The following SIM1 variants were observed in gnomAD, a reference collection of about 807,000 sequenced individuals.
The protein encoded by SIM1 is SIM bHLH transcription factor 1, also known as single-minded homolog 1.
SIM1 carries 18 observed loss-of-function variants against 78.2 expected under a neutral mutation model. The ratio of observed to expected loss-of-function variants is 0.23; its 90% confidence interval spans 0.16 to 0.34. SIM1 has a LOEUF of 0.34. SIM1 is among the 10% of genes least tolerant of loss of function. The pLI is 1.00. For synonymous variants in SIM1, 417 were observed against 385.2 expected (o/e 1.08, Z -0.97); for missense variants, 939 against 975.1 (o/e 0.96, Z 0.49).
chr6:100,399,014 T>G (rs1770841765), intron 10 of SIM1, among the ~76,000 whole-genome samples: 1 of 151,932 alleles, frequency 6.6e-6, no homozygotes, highest in Non-Finnish European at 1.5e-5. Context: ...GGTGTCTCAT[T>G]GCAGTTTTGA....
At chr6:100,431,218 T>C (rs989533750) in intron 9 of SIM1, among the ~76,000 whole-genome samples, 5 of 152,232 alleles carry the variant, frequency 3.3e-5, no homozygotes, top group Non-Finnish European at 7.3e-5. Flanking sequence ...TTAAAATATG[T>C]CCTATAACAT....
intron 9 of SIM1, among the ~76,000 whole-genome samples, chr6:100,446,057 T>G (rs1772344777): frequency 6.6e-6 from 1 of 152,230 alleles, no homozygotes; most frequent in African/African-American, 2.4e-5. Flanking sequence ...AATTAAAAGA[T>G]TATTCCTAAT....
intron 10 of SIM1, among the ~76,000 whole-genome samples, chr6:100,402,494 T>A (rs972743694): frequency 2.0e-5 from 3 of 151,616 alleles, no homozygotes; most frequent in Non-Finnish European, 2.9e-5. Context: ...TCATGGTCAA[T>A]TAGGTTTCAG....
chr6:100,429,693 AT>A (rs906353134), intron 9 of SIM1, among the ~76,000 whole-genome samples: 2 of 152,048 alleles, frequency 1.3e-5, no homozygotes, highest in African/African-American at 4.8e-5. Context: ...CATTACCTTA[AT>A]TTTTTCTCTA....
At chr6:100,405,072 A>C (rs1771021037) in intron 10 of SIM1, among the ~76,000 whole-genome samples, 1 of 152,092 alleles carries the variant, frequency 6.6e-6, no homozygotes, top group Non-Finnish European at 1.5e-5. Context: ...ATTAATAAAC[A>C]GCAAAAATAA....
rs763116551 is a variant in SIM1, at chr6:100,391,014, G to A, written c.1648C>T (p.Arg550Cys). ...GGGCTACTTTGATACTGCTCAGTAC[G>A]ATATCGGTCACCTGATTCACTGGCC... ...GSASESGDRYRTEQYQSSPHE... is the reference protein window; with the variant it reads ...GSASESGDRYCTEQYQSSPHE... The change falls in exon 12 of 12, where the codon CGT (arginine) becomes TGT (cysteine). Residue 550 changes from arginine (R) to cysteine (C), a missense_variant. Arg to Cys is a radical substitution (Grantham distance 180, BLOSUM62 -3). Coordinates refer to ENST00000369208, the MANE Select transcript of SIM1 (RefSeq NM_005068.3). 1.5e-5 allele frequency: 25 copies of A among 1,614,058 alleles called. No homozygotes were observed. Among genetic ancestry groups the A allele is most frequent in the African/African-American group, 2.7e-5 (2 of 74,998 alleles).
At position 100,389,915 on chromosome 6, in the gene SIM1, T is replaced by C. The variant is rs1189609370; in HGVS notation, c.*446A>G. 7.6e-6 allele frequency: 3 copies of C among 395,770 alleles called. No individual in the cohort carries two copies. Among genetic ancestry groups the C allele is most frequent in the Non-Finnish European group, 1.3e-5 (3 of 224,766 alleles). The allele number at this position is 395,770 out of a possible 1,614,324, so 24.5% of individuals were successfully genotyped here. A position where few individuals can be genotyped will look rare whatever the true frequency, so the allele number is the denominator to read the frequency against. ...CGTTAAGAAGTTTAGTGTGACAGAG[T>C]CAAAGAAAATTACCCATTTTTGATG... On this transcript the variant is annotated 3_prime_UTR_variant, in exon 12 of 12. Transcript: ENST00000369208.
intron 10 of SIM1, among the ~76,000 whole-genome samples, chr6:100,416,548 A>T (rs1771406650): frequency 6.6e-6 from 1 of 152,192 alleles, no homozygotes; most frequent in Non-Finnish European, 1.5e-5. Context: ...CATGCCAAAA[A>T]TATGTAAATA....
chr6:100,396,281 CT>C (rs1770764594), intron 10 of SIM1, among the ~76,000 whole-genome samples: 1 of 151,976 alleles, frequency 6.6e-6, no homozygotes, highest in African/African-American at 2.4e-5. Flanking sequence ...TGCCCAGATT[CT>C]GCTTGTTTTT....
intron 2 of SIM1, among the ~76,000 whole-genome samples, chr6:100,460,868 T>C (rs1772821593): frequency 6.6e-6 from 1 of 152,186 alleles, no homozygotes; most frequent in Admixed American, 6.5e-5. Context: ...TTTTGAAGCT[T>C]GTCCACCGTC....
rs1360335069 is a variant in SIM1, at chr6:100,412,596, AAAG to A, written c.1167+8191_1167+8193del. 3.1e-4 allele frequency among the ~76,000 whole-genome samples: 36 copies of A among 114,376 alleles called. 1 individual carries two copies. Among genetic ancestry groups the A allele is most frequent in the African/African-American group, 1.1e-3 (34 of 31,676 alleles). 75.0% of individuals were successfully genotyped at this position (114,376 alleles called of 152,430 possible). A position where few individuals can be genotyped will look rare whatever the true frequency, so the allele number is the denominator to read the frequency against. ...GAAAGAAAGAAAGAAAGAAAGAAAG[AAAG>A]AAAGAAAGAAAGGAAAGAAAGAAGG... On this transcript the variant is annotated intron_variant, in intron 10 of 11. Coordinates refer to ENST00000369208, the MANE Select transcript of SIM1 (RefSeq NM_005068.3).
chr6:100,412,735 GAA>G (rs768082208), intron 10 of SIM1, among the ~76,000 whole-genome samples: 9 of 140,754 alleles, frequency 6.4e-5, no homozygotes, highest in African/African-American at 2.6e-5. Context: ...AAGAAAGAAA[GAA>G]AGAAAGAAAG....
In SIM1 at chr6:100,420,265, G is replaced by A. The variant is rs545905081; in HGVS notation, c.1167+525C>T. 1.3e-5 allele frequency among the ~76,000 whole-genome samples: 2 copies of A among 152,258 alleles called. 1 individual carries two copies. Among genetic ancestry groups the A allele is most frequent in the South Asian group, 4.1e-4 (2 of 4,820 alleles). Reference sequence around the variant, plus strand: ...TCTTCTCTCTACCTTGCAAAGATGAGCAGAATTTGCTTTTCCTACCATTCC... The same window carrying A: ...TCTTCTCTCTACCTTGCAAAGATGAACAGAATTTGCTTTTCCTACCATTCC... On this transcript the variant is annotated intron_variant, in intron 10 of 11. Coordinates refer to ENST00000369208, the MANE Select transcript of SIM1 (RefSeq NM_005068.3).
At chr6:100,393,956 AC>A (rs1015971943) in intron 10 of SIM1, 67 bp from the exon 11 acceptor site, 2 of 1,465,612 alleles carry the variant, frequency 1.4e-6, no homozygotes, top group Admixed American at 4.7e-5. Flanking sequence ...AAACAAACAA[AC>A]AAAAAACAGC....
chr6:100,419,009 A>G lies in SIM1; in HGVS notation c.1167+1781T>C, dbSNP rs7749843. ...TGGTGAAACCCCATCTCTACTAAAAATACAAAAATTAGACGGGCGTGGTGG... is the reference window on the plus strand; with the variant it reads ...TGGTGAAACCCCATCTCTACTAAAAGTACAAAAATTAGACGGGCGTGGTGG... On this transcript the variant is annotated intron_variant, in intron 10 of 11. Coordinates refer to ENST00000369208, the MANE Select transcript of SIM1 (RefSeq NM_005068.3). Among the ~76,000 whole-genome samples, 1,218 of 152,174 alleles carry G rather than the reference A, an allele frequency of 8.0e-3. 18 individuals are homozygous for G. The highest frequency in any genetic ancestry group is 0.026 in the African/African-American group (1,077 of 41,520).
chr6:100,441,832 T>C (rs1772225558), intron 9 of SIM1, among the ~76,000 whole-genome samples: 1 of 152,182 alleles, frequency 6.6e-6, no homozygotes, highest in African/African-American at 2.4e-5. Context: ...TTCTTAATCT[T>C]CCATCATTAA....
rs114328214 is a variant in SIM1, at chr6:100,396,950, T to C, written c.1168-3061A>G. Reference sequence around the variant, plus strand: ...CTTTATCTAACTTGTCTTTCAGCTCTAATACTCTGTATAATATAATAACTA... The same window carrying C: ...CTTTATCTAACTTGTCTTTCAGCTCCAATACTCTGTATAATATAATAACTA... On this transcript the variant is annotated intron_variant, in intron 10 of 11. Coordinates refer to ENST00000369208, the MANE Select transcript of SIM1 (RefSeq NM_005068.3). Among the ~76,000 whole-genome samples the C allele has an allele frequency of 2.9e-3, 448 of 152,352 alleles. 6 individuals carry two copies. The highest frequency in any genetic ancestry group is 0.01 in the African/African-American group (424 of 41,586).
In SIM1 at chr6:100,390,326, G is replaced by A; in HGVS notation, c.*35C>T. Reference sequence around the variant, plus strand: ...GGTATTAAACTATAAATATGTTTCAGAGATCCTTAAAGAACAAAATATTTC... The same window carrying A: ...GGTATTAAACTATAAATATGTTTCAAAGATCCTTAAAGAACAAAATATTTC... On this transcript the variant is annotated 3_prime_UTR_variant, in exon 12 of 12. Coordinates refer to ENST00000369208, the MANE Select transcript of SIM1 (RefSeq NM_005068.3). 1 of 1,585,938 alleles carries A rather than the reference G, an allele frequency of 6.3e-7. No individual in the cohort carries two copies. Among genetic ancestry groups the A allele is most frequent in the South Asian group, 1.2e-5 (1 of 85,190 alleles).
At chr6:100,402,280 T>C (rs1331640441) in intron 10 of SIM1, among the ~76,000 whole-genome samples, 3 of 151,920 alleles carry the variant, frequency 2.0e-5, no homozygotes, top group Non-Finnish European at 2.9e-5. Context: ...AGATAAGATA[T>C]ATATGTTAAA....
Sources: gnomAD v4.1 joint callset for allele counts (sites outside exome capture counted in the v4.1 genomes callset) on GRCh38, gnomAD v4.1.1 for gene constraint, MANE v1.5 for transcripts, NCBI Gene and HGNC (gene_info 2026-07-23, HGNC 2026-07-21) for gene names.